B4GALNT3: variants seen among roughly 807,000 people sequenced by gnomAD.
B4GALNT3 encodes beta-1,4-N-acetyl-galactosaminyltransferase 3.
Under a neutral mutation model 120.2 loss-of-function variants are expected in B4GALNT3, and 86 were observed. That is an observed-to-expected ratio of 0.72 (90% CI 0.60 to 0.86). B4GALNT3 has a LOEUF of 0.86. Among genes scored for constraint, B4GALNT3 ranks in the 40% least tolerant of loss-of-function variants. B4GALNT3 has a pLI of 0.00. For missense variants in B4GALNT3, 1,167 were observed against 1,298.9 expected, an observed-to-expected ratio of 0.90 and a Z score of 1.56; for synonymous variants, 518 against 510.4, an observed-to-expected ratio of 1.01 and a Z score of -0.20.
At position 556,708 on chromosome 12, in the gene B4GALNT3, G is replaced by T; in HGVS notation, c.2222G>T (p.Gly741Val). Residue 741 changes from glycine to valine, a missense_variant, in exon 15 of 20, where the codon GGT becomes GTT. By Grantham distance (109) the Gly-to-Val change is moderately radical. Coordinates refer to ENST00000266383, the MANE Select transcript of B4GALNT3 (RefSeq NM_173593.4). ...GGCTGGCAGGGCATCGATCCAGCTG[G>T]TGGGGAGGAGGTCGAGGCCCGGAAC... is the stretch of plus-strand genomic sequence containing the variant. ...ARGWQGIDPA[G>V]GEEVEARNLQ... The T allele has an allele frequency of 6.2e-7, 1 of 1,613,982 alleles. No homozygotes were observed. The highest frequency in any genetic ancestry group is 8.5e-7 in the Non-Finnish European group (1 of 1,180,030).
Position 558,590 on chromosome 12 carries a change from T to G in B4GALNT3, c.2690T>G (p.Val897Gly). 1.9e-6 allele frequency: 3 copies of G among 1,614,146 alleles called. No homozygotes were observed. The highest frequency in any genetic ancestry group is 2.5e-6 in the Non-Finnish European group (3 of 1,180,020). The change falls in exon 18 of 20, where the codon GTG (valine) becomes GGG (glycine). Residue 897 changes from valine to glycine, a missense_variant. Val to Gly is a moderately radical substitution (Grantham distance 109, BLOSUM62 -3). Transcript: ENST00000266383. Reference protein sequence around the residue: ...GVIDAIRKHCVEGKMAFAPMV... With the variant: ...GVIDAIRKHCGEGKMAFAPMV... Reference sequence around the variant, plus strand: ...ATCGATGCCATTCGGAAGCACTGTGTGGAGGGAAAGATGGCCTTTGCCCCC... The same window carrying G: ...ATCGATGCCATTCGGAAGCACTGTGGGGAGGGAAAGATGGCCTTTGCCCCC...
In B4GALNT3 at chr12:460,336, G is replaced by T. The variant is rs1247373016; in HGVS notation, c.-41G>T. On this transcript the variant is annotated 5_prime_UTR_variant, in exon 1 of 20. Transcript: ENST00000266383. This position sits in a 1 kb window ranked among gnomAD's most constrained non-coding sequence, Gnocchi z 8.0. Reference sequence around the variant, plus strand: ...CGGCCGGGGGGCGGCGGCTCGGGGGGTTGGAGCCCGCGCTGGCGGCGGCCG... The same window carrying T: ...CGGCCGGGGGGCGGCGGCTCGGGGGTTTGGAGCCCGCGCTGGCGGCGGCCG... 12 of 1,033,476 alleles carry T rather than the reference G, an allele frequency of 1.2e-5. No homozygotes were observed. The highest frequency in any genetic ancestry group is 1.7e-5 in the African/African-American group (1 of 57,820). 64.0% of individuals were successfully genotyped at this position (1,033,476 alleles called of 1,614,324 possible). A position where few individuals can be genotyped will look rare whatever the true frequency, so the allele number is the denominator to read the frequency against.
intron 1 of B4GALNT3, among the ~76,000 whole-genome samples, chr12:465,061 T>C (rs547542952): frequency 6.6e-6 from 1 of 152,298 alleles, no homozygotes; most frequent in South Asian, 2.1e-4. Flanking sequence ...GGAGGGATAG[T>C]GTGGCATGGA....
At chr12:493,592 G>GTTTTTTTTTTTTTT (rs34112834) in intron 1 of B4GALNT3, among the ~76,000 whole-genome samples, 1 of 147,192 alleles carries the variant, frequency 6.8e-6, no homozygotes, top group African/African-American at 2.5e-5. Flanking sequence ...AAATATAATG[G>GTTTTTTTTTTTTTT]TTTTTTTTTT....
intron 1 of B4GALNT3, among the ~76,000 whole-genome samples, chr12:462,072 A>G (rs1159351914): frequency 1.3e-5 from 2 of 152,124 alleles, no homozygotes; most frequent in Admixed American, 6.5e-5. Context: ...CTGATGACCA[A>G]AATCTGCCGC....
rs563442460 is a variant in B4GALNT3, at chr12:487,831, G to A, written c.169+27286G>A. 4.0e-5 allele frequency among the ~76,000 whole-genome samples: 6 copies of A among 151,716 alleles called. No individual in the cohort carries two copies. The East Asian group carries it at 5.8e-4, about 15-fold the overall frequency. On this transcript the variant is annotated intron_variant, in intron 1 of 19. Transcript: ENST00000266383. The stretch of plus-strand genomic sequence containing the variant: ...AAATTAGCCAGGCATGGTGACATGC[G>A]CCCAGCTACTTTGGGAGGCTGAGGT...
Position 552,528 on chromosome 12 carries a change from G to T in B4GALNT3, c.1270G>T (p.Gly424Cys), listed in dbSNP as rs750957461. The change falls in exon 13 of 20, where the codon GGT becomes TGT. Residue 424 changes from glycine (G) to cysteine (C), a missense_variant and splice_region_variant. This residue lies in a region of B4GALNT3 where 983 missense variants were observed against 1,102.5 expected (regional missense o/e 0.89). Transcript: ENST00000266383. ...TGAGAAGCAGGGGCTGGAGCAGCCAGGTACAGAGTGACAGCTGAGGCTTCC... is the reference window on the plus strand; with the variant it reads ...TGAGAAGCAGGGGCTGGAGCAGCCATGTACAGAGTGACAGCTGAGGCTTCC... ...QPEKQGLEQP[G>C]FEENLLEESQ... 2.5e-6 allele frequency: 4 copies of T among 1,613,408 alleles called. No individual in the cohort carries two copies. The highest frequency in any genetic ancestry group is 3.4e-6 in the Non-Finnish European group (4 of 1,179,820).
At chr12:556,066 A>G (rs561745413) in intron 14 of B4GALNT3, among the ~76,000 whole-genome samples, 58 of 152,304 alleles carry the variant, frequency 3.8e-4, no homozygotes, top group African/African-American at 1.4e-3. Flanking sequence ...TACAGGTGTG[A>G]GCCACTGCAC....
intron 1 of B4GALNT3, among the ~76,000 whole-genome samples, chr12:512,611 C>T (rs1313325802): frequency 6.8e-6 from 1 of 146,960 alleles, no homozygotes; most frequent in Non-Finnish European, 1.5e-5. Flanking sequence ...CTTCCACCTT[C>T]CACCTTCCGC....
At chr12:545,025 G>A (rs1409256423) in intron 5 of B4GALNT3, 53 bp downstream of exon 5, 32 of 1,592,760 alleles carry the variant, frequency 2.0e-5, no homozygotes, top group South Asian at 9.0e-5. Flanking sequence ...GTTCTGCATC[G>A]GACCCAAAGA....
chr12:512,635 C>CCTTCCACCTTCCACCTT (rs1946599987), intron 1 of B4GALNT3, among the ~76,000 whole-genome samples: 2 of 126,132 alleles, frequency 1.6e-5, no homozygotes, highest in Admixed American at 1.6e-4. Context: ...CCACCTTCCG[C>CCTTCCACCTTCCACCTT]CTTCCACCTT....
chr12:496,577 T>C (rs1206866786), intron 1 of B4GALNT3, among the ~76,000 whole-genome samples: 1 of 152,002 alleles, frequency 6.6e-6, no homozygotes, highest in African/African-American at 2.4e-5. Flanking sequence ...CCAGCCTGGG[T>C]GACAGAACAA....
intron 1 of B4GALNT3, among the ~76,000 whole-genome samples, chr12:522,860 C>CGG (rs1946723645): frequency 2.7e-5 from 4 of 147,496 alleles, no homozygotes; most frequent in African/African-American, 1.0e-4. Flanking sequence ...TCGCTTGAAC[C>CGG]TGGGAGGTCA....
intron 1 of B4GALNT3, among the ~76,000 whole-genome samples, chr12:498,199 G>A (rs12304100): frequency 0.03 from 4,529 of 152,138 alleles, 246 homozygotes; most frequent in African/African-American, 0.1. Context: ...CTTTCCATTC[G>A]ATGCTGTTTC....
chr12:502,750 CTTTTA>C (rs1565595232), intron 1 of B4GALNT3, among the ~76,000 whole-genome samples: 1 of 151,910 alleles, frequency 6.6e-6, no homozygotes, highest in Non-Finnish European at 1.5e-5. Context: ...TAAACAAGTT[CTTTTA>C]TTTTATTTTG....
At chr12:513,127 G>A (rs111286132) in intron 1 of B4GALNT3, among the ~76,000 whole-genome samples, 1,934 of 67,924 alleles carry the variant, frequency 0.028, 71 homozygotes, top group African/African-American at 0.13. Context: ...TCCACCTTCC[G>A]CCTTCCACCT....
chr12:497,342 G>A (rs1352715602), intron 1 of B4GALNT3, among the ~76,000 whole-genome samples: 2 of 151,882 alleles, frequency 1.3e-5, no homozygotes, highest in South Asian at 2.1e-4. Flanking sequence ...TAGTAGAGAC[G>A]GGGTTTCTCC....
chr12:473,770 A>C (rs1023995649), intron 1 of B4GALNT3, among the ~76,000 whole-genome samples: 10 of 152,198 alleles, frequency 6.6e-5, no homozygotes, highest in African/African-American at 2.2e-4. Context: ...CATGGGGAAC[A>C]AGAAGTTGGA....
At chr12:520,286 G>C (rs529280451) in intron 1 of B4GALNT3, among the ~76,000 whole-genome samples, 1 of 152,140 alleles carries the variant, frequency 6.6e-6, no homozygotes, top group Non-Finnish European at 1.5e-5. Context: ...CCTTTGACCC[G>C]TGATTTTAGC....
Sources: gnomAD v4.1 joint callset for allele counts (sites outside exome capture counted in the v4.1 genomes callset) on GRCh38, gnomAD v4.1.1 for gene constraint, gnomAD v4.1.1 regional missense constraint, Gnocchi (gnomAD v3.1) non-coding constraint, MANE v1.5 for transcripts, NCBI Gene and HGNC (gene_info 2026-07-23, HGNC 2026-07-21) for gene names.